The following UBOX5 variants were observed in gnomAD, a reference collection of about 807,000 sequenced individuals.
The protein encoded by UBOX5 is U-box domain containing 5.
In UBOX5, 28 loss-of-function variants were observed where a neutral mutation model predicts 39.0. That is an observed-to-expected ratio of 0.72 (90% CI 0.53 to 0.98). UBOX5 has a LOEUF of 0.98. Ranked by LOEUF, UBOX5 falls within the 50% of genes least tolerant of loss-of-function variation. The pLI is 0.00. For missense variants in UBOX5, 585 were observed against 674.4 expected, an observed-to-expected ratio of 0.87 and a Z score of 1.47; for synonymous variants, 283 against 275.5, an observed-to-expected ratio of 1.03 and a Z score of -0.27.
At chr20:3,140,414 T>C (rs1392581473) in intron 1 of UBOX5, among the ~76,000 whole-genome samples, 1 of 152,094 alleles carries the variant, frequency 6.6e-6, no homozygotes, top group Non-Finnish European at 1.5e-5. Flanking sequence ...CAAAACAAGA[T>C]CTACAAAGGT....
At chr20:3,136,819 C>A (rs1220658907) in intron 1 of UBOX5, among the ~76,000 whole-genome samples, 2 of 151,922 alleles carry the variant, frequency 1.3e-5, no homozygotes, top group Non-Finnish European at 2.9e-5. Flanking sequence ...CCATGCCCAG[C>A]TAATTTTTTG....
intron 1 of UBOX5, chr20:3,147,245 G>A (rs146030687): frequency 1.1e-5 from 18 of 1,614,150 alleles, no homozygotes; most frequent in Middle Eastern, 3.3e-4. Context: ...ATTTTCAGCC[G>A]GCGTGGCTTC....
chr20:3,147,234 C>T (rs2148619029), intron 1 of UBOX5: 2 of 1,614,244 alleles, frequency 1.2e-6, no homozygotes, highest in Non-Finnish European at 8.5e-7. Flanking sequence ...AATTTGGCTA[C>T]ATTTTCAGCC....
At chr20:3,126,920 C>T (rs141428068) in intron 1 of UBOX5, among the ~76,000 whole-genome samples, 22 of 151,452 alleles carry the variant, frequency 1.5e-4, no homozygotes, top group Middle Eastern at 6.8e-3. Context: ...CCTGTAATCC[C>T]AGCTACTCGG....
At chr20:3,141,159 T>C (rs1164521560) in intron 1 of UBOX5, among the ~76,000 whole-genome samples, 2 of 151,448 alleles carry the variant, frequency 1.3e-5, no homozygotes, top group African/African-American at 2.4e-5. Context: ...CCTCAGGTGA[T>C]CCGCCCGCCT....
At chr20:3,134,591 G>A (rs539544168) in intron 1 of UBOX5, among the ~76,000 whole-genome samples, 7 of 148,112 alleles carry the variant, frequency 4.7e-5, no homozygotes, top group Non-Finnish European at 7.4e-5. Context: ...CAGGCGTGGT[G>A]GCTCATGCCT....
intron 4 of UBOX5, chr20:3,111,813 T>C (rs969013072): frequency 2.6e-5 from 4 of 152,280 alleles, no homozygotes; most frequent in Admixed American, 1.3e-4. Flanking sequence ...TATGTCCATG[T>C]TTCTCATCCG....
rs1292719198 is a variant in UBOX5, at chr20:3,122,421, C to T, written c.218G>A (p.Gly73Glu). 2.5e-6 allele frequency: 4 copies of T among 1,614,056 alleles called. No individual in the cohort carries two copies. Among genetic ancestry groups the T allele is most frequent in the Non-Finnish European group, 3.4e-6 (4 of 1,180,034 alleles). The change falls in exon 3 of 5, where the codon GGG becomes GAG. Residue 73 changes from glycine (G) to glutamate (E), a missense_variant. Gly to Glu is a moderately conservative substitution (Grantham distance 98). Coordinates refer to ENST00000217173, the MANE Select transcript of UBOX5 (RefSeq NM_014948.4). The stretch of plus-strand genomic sequence containing the variant: ...CAGGCCAGTGACGTTCTGACCTCCC[C>T]CAGCTGTGAGGTCTATGTTGATCCT... ...ICRINIDLTA[G>E]GGQNVTGLEM...
chr20:3,111,348 G>A (rs899812348), intron 4 of UBOX5, among the ~76,000 whole-genome samples: 2 of 152,042 alleles, frequency 1.3e-5, no homozygotes, highest in African/African-American at 2.4e-5. Context: ...AATCCAGGCC[G>A]CTCGACACAT....
At chr20:3,155,585 C>T (rs965600776) in intron 1 of UBOX5, among the ~76,000 whole-genome samples, 1 of 151,714 alleles carries the variant, frequency 6.6e-6, no homozygotes, top group East Asian at 1.9e-4. Flanking sequence ...ACAAGCTCTA[C>T]TGAACTATTT....
chr20:3,135,029 A>T (rs1276779406), intron 1 of UBOX5, among the ~76,000 whole-genome samples: 1 of 152,194 alleles, frequency 6.6e-6, no homozygotes, highest in Non-Finnish European at 1.5e-5. Context: ...CAAAATATGA[A>T]GGTGCAAATA....
intron 1 of UBOX5, chr20:3,150,884 C>T (rs748857440): frequency 6.6e-6 from 1 of 152,060 alleles, no homozygotes; most frequent in Admixed American, 6.6e-5. Flanking sequence ...GCTTGTGGAC[C>T]ATTCTTTTTT....
chr20:3,147,839 A>G, intron 1 of UBOX5: 5 of 1,614,212 alleles, frequency 3.1e-6, no homozygotes, highest in Non-Finnish European at 3.4e-6. Context: ...CACTGCATTC[A>G]TTACTCCTTC....
At chr20:3,115,228 G>C (rs1025622380) in intron 4 of UBOX5, 77 bp downstream of exon 4, 1 of 1,498,562 alleles carries the variant, frequency 6.7e-7, no homozygotes, top group African/African-American at 1.4e-5. Context: ...AGCCCCCAGG[G>C]ACTCGGCCCA....
At chr20:3,146,366 T>A (rs6051604) in intron 1 of UBOX5, among the ~76,000 whole-genome samples, 17,019 of 93,066 alleles carry the variant, frequency 0.18, 2,640 homozygotes, top group African/African-American at 0.45. Flanking sequence ...AAACTGGCTT[T>A]AAAAAAAAAA....
At chr20:3,140,562 T>A (rs1315211953) in intron 1 of UBOX5, among the ~76,000 whole-genome samples, 1 of 152,138 alleles carries the variant, frequency 6.6e-6, no homozygotes, top group African/African-American at 2.4e-5. Context: ...GCCTACTCCA[T>A]CTGCTCTTGC....
intron 1 of UBOX5, chr20:3,147,219 G>C (rs1361294381): frequency 6.2e-7 from 1 of 1,614,142 alleles, no homozygotes; most frequent in Admixed American, 1.7e-5. Flanking sequence ...ACATGCTCAA[G>C]CCTTAATTTG....
chr20:3,125,098 C>A (rs1360651500), intron 1 of UBOX5, among the ~76,000 whole-genome samples: 1 of 149,416 alleles, frequency 6.7e-6, no homozygotes, highest in Non-Finnish European at 1.5e-5. Flanking sequence ...GTGGGGAGTG[C>A]CTCTGCCCGG....
intron 1 of UBOX5, among the ~76,000 whole-genome samples, chr20:3,155,824 A>G (rs766431053): frequency 1.3e-5 from 2 of 152,268 alleles, no homozygotes; most frequent in Non-Finnish European, 2.9e-5. Context: ...TCTTAGAGGC[A>G]TGAAGAGCCA....
Sources: gnomAD v4.1 joint callset for allele counts (sites outside exome capture counted in the v4.1 genomes callset) on GRCh38, gnomAD v4.1.1 for gene constraint, MANE v1.5 for transcripts, NCBI Gene and HGNC (gene_info 2026-07-23, HGNC 2026-07-21) for gene names.